ALKBH3: variants seen among roughly 807,000 people sequenced by gnomAD.
ALKBH3 encodes the protein alkB homolog 3, alpha-ketoglutarate dependent dioxygenase.
A neutral mutation model predicts 43.9 loss-of-function variants in ALKBH3; 51 were observed. The ratio of observed to expected loss-of-function variants is 1.16; its 90% CI spans 0.93 to 1.47. ALKBH3 has a LOEUF of 1.47. Among genes scored for constraint, ALKBH3 ranks in the 40% most tolerant of loss-of-function variants. The pLI is 0.00. For missense variants in ALKBH3, 361 were observed against 351.9 expected (o/e 1.03, Z -0.21); for synonymous variants, 102 against 115.2 (o/e 0.89, Z 0.73).
At chr11:43,917,645 A>AT (rs36058738) in intron 8 of ALKBH3, among the ~76,000 whole-genome samples, 6,538 of 149,898 alleles carry the variant, frequency 0.044, 248 homozygotes, top group African/African-American at 0.1. Flanking sequence ...CTCTGTCTGG[A>AT]TTTTTTTTTT....
chr11:43,893,691 G>C (rs1264349850), intron 7 of ALKBH3, among the ~76,000 whole-genome samples: 2 of 152,052 alleles, frequency 1.3e-5, no homozygotes, highest in Non-Finnish European at 2.9e-5. Flanking sequence ...CCAACACTTT[G>C]GGAGGTCAAG....
At chr11:43,908,044 T>A (rs1951908398) in intron 8 of ALKBH3, among the ~76,000 whole-genome samples, 1 of 152,156 alleles carries the variant, frequency 6.6e-6, no homozygotes, top group African/African-American at 2.4e-5. Context: ...GGAACAGGGA[T>A]TTTTATTCTC....
chr11:43,893,917 T>C (rs1951800947), intron 7 of ALKBH3, among the ~76,000 whole-genome samples: 1 of 152,224 alleles, frequency 6.6e-6, no homozygotes, highest in Admixed American at 6.5e-5. Flanking sequence ...GGTCTTGTTA[T>C]GTTGCCCAGG....
intron 7 of ALKBH3, chr11:43,899,210 GTC>G (rs1951842737): frequency 1.3e-6 from 1 of 763,452 alleles, no homozygotes; most frequent in Non-Finnish European, 2.4e-6. Context: ...CATAGACAAA[GTC>G]TGGCAGTGGG....
At chr11:43,913,795 A>G (rs1353035413) in intron 8 of ALKBH3, among the ~76,000 whole-genome samples, 1 of 152,262 alleles carries the variant, frequency 6.6e-6, no homozygotes, top group Non-Finnish European at 1.5e-5. Flanking sequence ...TATCAGCAGC[A>G]TAGCTGGGCA....
intron 8 of ALKBH3, among the ~76,000 whole-genome samples, chr11:43,907,683 T>C (rs1231570680): frequency 6.6e-6 from 1 of 151,750 alleles, no homozygotes; most frequent in Non-Finnish European, 1.5e-5. Context: ...AAGAGCAAAG[T>C]GTGTTTCAGG....
chr11:43,910,524 A>G (rs1254492703), intron 8 of ALKBH3: 1 of 152,250 alleles, frequency 6.6e-6, no homozygotes, highest in Non-Finnish European at 1.5e-5. Flanking sequence ...CTGTAATGAT[A>G]AAATCAGATT....
At chr11:43,894,314 A>G (rs1286332567) in intron 7 of ALKBH3, among the ~76,000 whole-genome samples, 3 of 152,106 alleles carry the variant, frequency 2.0e-5, no homozygotes, top group Non-Finnish European at 4.4e-5. Context: ...TTTGAAATCC[A>G]CTGAATAGGT....
intron 8 of ALKBH3, among the ~76,000 whole-genome samples, chr11:43,908,607 T>C (rs1046463317): frequency 2.0e-5 from 3 of 152,224 alleles, no homozygotes; most frequent in African/African-American, 7.2e-5. Flanking sequence ...CATCACATGA[T>C]CTCTTCTGAT....
chr11:43,897,777 G>A (rs921483999), intron 7 of ALKBH3: 18 of 813,592 alleles, frequency 2.2e-5, no homozygotes, highest in African/African-American at 8.4e-5. Context: ...TTGCTATACC[G>A]TTCACCCTGA....
At position 43,883,187 on chromosome 11, in the gene ALKBH3, A is replaced by T. The variant is rs1951723772; in HGVS notation, c.182A>T (p.Gln61Leu). Residue 61 changes from glutamine (Q) to leucine (L), a missense_variant and splice_region_variant, in exon 3 of 10, where the codon CAG becomes CTG. Coordinates refer to ENST00000302708, the MANE Select transcript of ALKBH3 (RefSeq NM_139178.4). ...GAGTTTGTGTTCAAAGAACCTCAGC[A>T]GGTAAATTCATGGTTTTTTCTTCAA... Reference protein sequence around the residue: ...DREFVFKEPQQVVRRAPEPRV... With the variant: ...DREFVFKEPQLVVRRAPEPRV... 1.9e-6 allele frequency: 3 copies of T among 1,611,286 alleles called. No individual in the cohort carries two copies. Among genetic ancestry groups the T allele is most frequent in the African/African-American group, 1.3e-5 (1 of 74,908 alleles).
chr11:43,884,291 TA>T (rs1218510876), intron 4 of ALKBH3, among the ~76,000 whole-genome samples: 3 of 152,034 alleles, frequency 2.0e-5, no homozygotes, highest in African/African-American at 7.2e-5. Context: ...CTGTAGACAG[TA>T]AGCTAAACCT....
Position 43,898,672 on chromosome 11 carries a change from C to T in ALKBH3, c.460-2844C>T, listed in dbSNP as rs564273324. On this transcript the variant is annotated intron_variant, in intron 7 of 9. Transcript: ENST00000302708. ...ATGGAGACCTGATGTCAAAGTGCTGCGGTGGATCATCGAGGTGGTGAAGGC... is the reference window on the plus strand; with the variant it reads ...ATGGAGACCTGATGTCAAAGTGCTGTGGTGGATCATCGAGGTGGTGAAGGC... The T allele has an allele frequency of 1.4e-4, 98 of 718,508 alleles. No homozygotes were observed. In the East Asian group the frequency reaches 2.1e-3, roughly 15 times the overall value. The allele number at this position is 718,508 out of a possible 1,614,324, so 44.5% of individuals were successfully genotyped here.
intron 7 of ALKBH3, chr11:43,897,406 G>T: frequency 1.4e-6 from 1 of 727,894 alleles, no homozygotes; most frequent in Non-Finnish European, 2.5e-6. Context: ...CATACTTAAT[G>T]ATTATCCTTG....
At chr11:43,908,804 G>A (rs1435109690) in intron 8 of ALKBH3, among the ~76,000 whole-genome samples, 1 of 152,208 alleles carries the variant, frequency 6.6e-6, no homozygotes, top group African/African-American at 2.4e-5. Context: ...AATGTGTGCA[G>A]TCCAGAAGGA....
intron 8 of ALKBH3, among the ~76,000 whole-genome samples, chr11:43,901,952 G>A (rs1222063653): frequency 6.6e-6 from 1 of 152,144 alleles, no homozygotes; most frequent in African/African-American, 2.4e-5. Context: ...AGGTGCTGGC[G>A]GCTCATTTCA....
chr11:43,891,344 A>G (rs1354822506), intron 6 of ALKBH3, among the ~76,000 whole-genome samples: 1 of 152,230 alleles, frequency 6.6e-6, no homozygotes, highest in Non-Finnish European at 1.5e-5. Context: ...ATTAATAACA[A>G]TGTCTTTCTT....
At chr11:43,898,940 C>T in intron 7 of ALKBH3, 1 of 748,020 alleles carries the variant, frequency 1.3e-6, no homozygotes, top group South Asian at 1.4e-5. Context: ...CCAAATCTCT[C>T]TACTGGACCA....
intron 7 of ALKBH3, among the ~76,000 whole-genome samples, chr11:43,893,689 T>TG (rs1198056214): frequency 1.6e-4 from 25 of 151,614 alleles, no homozygotes; most frequent in Non-Finnish European, 8.9e-5. Context: ...TCCCAACACT[T>TG]TGGGAGGTCA....
Sources: allele counts gnomAD v4.1 joint callset (sites outside exome capture counted in the v4.1 genomes callset), GRCh38; gene constraint gnomAD v4.1.1; transcripts MANE v1.5; gene names NCBI Gene and HGNC (gene_info 2026-07-23, HGNC 2026-07-21).